The following RAP1GDS1 variants were observed in gnomAD, a reference collection of about 807,000 sequenced individuals.
RAP1GDS1 encodes the protein Rap1 GTPase-GDP dissociation stimulator 1, also known as RAP1, GTP-GDP dissociation stimulator 1.
A neutral mutation model predicts 71.1 loss-of-function variants in RAP1GDS1; 35 were observed. The observed-to-expected ratio is 0.49, with a 90% confidence interval of 0.38 to 0.65. RAP1GDS1 has a LOEUF of 0.65. Ranked by LOEUF, RAP1GDS1 falls within the 30% of genes least tolerant of loss-of-function variation. The pLI, the probability that RAP1GDS1 is intolerant of heterozygous loss-of-function variation, is 0.00. For synonymous variants in RAP1GDS1, 229 were observed against 243.1 expected (o/e 0.94, Z 0.54); for missense variants, 663 against 706.1 (o/e 0.94, Z 0.69).
At chr4:98,318,478 C>T (rs1314350505) in intron 2 of RAP1GDS1, among the ~76,000 whole-genome samples, 4 of 152,178 alleles carry the variant, frequency 2.6e-5, no homozygotes, top group Non-Finnish European at 4.4e-5. Context: ...AATGTGTACT[C>T]GCTCTCCTCC....
intron 1 of RAP1GDS1, among the ~76,000 whole-genome samples, chr4:98,268,258 A>G (rs1240691017): frequency 6.6e-6 from 1 of 152,218 alleles, no homozygotes; most frequent in Non-Finnish European, 1.5e-5. Context: ...GCATTTGACA[A>G]AATTCAACAT....
At chr4:98,288,309 G>T (rs978687495) in intron 1 of RAP1GDS1, among the ~76,000 whole-genome samples, 11 of 152,064 alleles carry the variant, frequency 7.2e-5, no homozygotes, top group Admixed American at 4.6e-4. Flanking sequence ...GCCATAGTTT[G>T]CTGAGAATGA....
intron 2 of RAP1GDS1, among the ~76,000 whole-genome samples, chr4:98,318,544 A>G (rs1326561678): frequency 1.3e-5 from 2 of 152,232 alleles, no homozygotes; most frequent in Non-Finnish European, 2.9e-5. Flanking sequence ...GTGAGATGAT[A>G]AAATACCTTC....
At chr4:98,331,146 A>T (rs1733948953) in intron 2 of RAP1GDS1, among the ~76,000 whole-genome samples, 1 of 152,084 alleles carries the variant, frequency 6.6e-6, no homozygotes, top group Non-Finnish European at 1.5e-5. Flanking sequence ...AAATACAAAA[A>T]CCAGTCAGGC....
chr4:98,419,301 A>C (rs986530825), intron 10 of RAP1GDS1, among the ~76,000 whole-genome samples: 3 of 151,692 alleles, frequency 2.0e-5, no homozygotes, highest in Non-Finnish European at 1.5e-5. Flanking sequence ...CAGTCCACCC[A>C]CCTTTGCCTC....
At chr4:98,417,267 G>A in intron 8 of RAP1GDS1, 100 bp from the exon 9 acceptor site, 3 of 1,169,646 alleles carry the variant, frequency 2.6e-6, no homozygotes. Context: ...GTAACAGTTT[G>A]TGAGGTGTGA....
chr4:98,373,688 C>T (rs1404627023), intron 4 of RAP1GDS1, among the ~76,000 whole-genome samples: 1 of 152,162 alleles, frequency 6.6e-6, no homozygotes, highest in African/African-American at 2.4e-5. Flanking sequence ...TAGTACCAAA[C>T]CTGTATATAT....
Position 98,346,427 on chromosome 4 carries a change from T to C in RAP1GDS1, c.235+3166T>C, listed in dbSNP as rs780787409. On this transcript the variant is annotated intron_variant, in intron 3 of 14. Transcript: ENST00000408927. ...TTTATTTTAGTATAAAATGCATGTG[T>C]GCCCTAGAAAAATCATTGAATAAAG... Among the ~76,000 whole-genome samples, 112 of 152,284 alleles carry C rather than the reference T, an allele frequency of 7.4e-4. 2 individuals are homozygous for C. The Middle Eastern group carries it at 0.034, about 46-fold the overall frequency.
chr4:98,280,710 C>A (rs1724948026), intron 1 of RAP1GDS1, among the ~76,000 whole-genome samples: 1 of 151,808 alleles, frequency 6.6e-6, no homozygotes, highest in African/African-American at 2.4e-5. Context: ...ATGGTATTGT[C>A]TCGGTTTTCT....
chr4:98,377,098 A>G (rs1454742638), intron 4 of RAP1GDS1, among the ~76,000 whole-genome samples: 1 of 151,930 alleles, frequency 6.6e-6, no homozygotes, highest in East Asian at 1.9e-4. Flanking sequence ...TGAAATTCCT[A>G]ATATATGAAT....
intron 5 of RAP1GDS1, among the ~76,000 whole-genome samples, chr4:98,380,706 G>A (rs1481017482): frequency 6.6e-6 from 1 of 151,754 alleles, no homozygotes; most frequent in Non-Finnish European, 1.5e-5. Context: ...TCATTGGTCA[G>A]ATTTTCATAT....
chr4:98,429,268 A>G (rs1254014019), intron 12 of RAP1GDS1, among the ~76,000 whole-genome samples: 2 of 151,798 alleles, frequency 1.3e-5, no homozygotes, highest in East Asian at 1.9e-4. Context: ...AAAAAAAAAA[A>G]AAAAAGAAAA....
chr4:98,285,855 AAAT>A (rs202175727), intron 1 of RAP1GDS1, among the ~76,000 whole-genome samples: 1,759 of 147,404 alleles, frequency 0.012, 20 homozygotes, highest in Non-Finnish European at 0.018. Context: ...TAATTTAAAT[AAAT>A]AATAAATTTA....
At chr4:98,367,380 C>G (rs1414259387) in intron 4 of RAP1GDS1, among the ~76,000 whole-genome samples, 1 of 152,234 alleles carries the variant, frequency 6.6e-6, no homozygotes, top group African/African-American at 2.4e-5. Flanking sequence ...GGGTGGGACC[C>G]TCATGGAGAA....
At chr4:98,419,075 A>AG (rs1182155276) in intron 10 of RAP1GDS1, among the ~76,000 whole-genome samples, 1 of 152,172 alleles carries the variant, frequency 6.6e-6, no homozygotes, top group Non-Finnish European at 1.5e-5. Flanking sequence ...TTTAAGTTTG[A>AG]GATGGGGTCT....
rs1055792239 is a variant in RAP1GDS1, at chr4:98,443,242, T to G, written c.*1125T>G. On this transcript the variant is annotated 3_prime_UTR_variant, in exon 15 of 15. Coordinates refer to ENST00000408927, the MANE Select transcript of RAP1GDS1 (RefSeq NM_001100427.2). The stretch of plus-strand genomic sequence containing the variant: ...GCCCCATACCAATCGCTGTTAGAGT[T>G]TGCCACCTCCACTTTCCCACTGAGA... 8.6e-6 allele frequency: 2 copies of G among 232,454 alleles called. No individual in the cohort carries two copies. The highest frequency in any genetic ancestry group is 4.4e-5 in the African/African-American group (2 of 45,188). The allele number at this position is 232,454 out of a possible 1,614,324, so 14.4% of individuals were successfully genotyped here. A position where few individuals can be genotyped will look rare whatever the true frequency, so the allele number is the denominator to read the frequency against.
At chr4:98,336,030 T>A (rs1489174724) in intron 2 of RAP1GDS1, among the ~76,000 whole-genome samples, 3 of 152,172 alleles carry the variant, frequency 2.0e-5, no homozygotes, top group Non-Finnish European at 2.9e-5. Context: ...ATGCTAAATC[T>A]CTTTATCTTT....
chr4:98,321,308 A>C (rs902516018), intron 2 of RAP1GDS1, among the ~76,000 whole-genome samples: 1 of 149,534 alleles, frequency 6.7e-6, no homozygotes, highest in Non-Finnish European at 1.5e-5. Context: ...GTGTACCTGA[A>C]AGTGAGGCGG....
rs919425902 is a variant in RAP1GDS1 at position 98,261,511 on chromosome 4, C to T, written c.-55C>T. The T allele has an allele frequency of 6.4e-6, 10 of 1,572,380 alleles. No homozygotes were observed. Among genetic ancestry groups the T allele is most frequent in the Middle Eastern group, 1.7e-4 (1 of 5,950 alleles). On this transcript the variant is annotated 5_prime_UTR_variant, in exon 1 of 15. Transcript: ENST00000408927. ...AGAGGGAGGACACAGAGCCGCGCCG[C>T]CCGCACCACAGACCTTCGCCTCGCC...
Sources: gnomAD v4.1 joint callset for allele counts (sites outside exome capture counted in the v4.1 genomes callset) on GRCh38, gnomAD v4.1.1 for gene constraint, MANE v1.5 for transcripts, NCBI Gene and HGNC (gene_info 2026-07-23, HGNC 2026-07-21) for gene names.